CSMD1: variants seen among roughly 807,000 people sequenced by gnomAD.
The protein encoded by CSMD1 is CUB and sushi domain-containing protein 1.
CSMD1 carries 213 observed loss-of-function variants against 417.5 expected under a neutral mutation model. That is an observed-to-expected ratio of 0.51 (90% CI 0.46 to 0.57). CSMD1 has a LOEUF of 0.57. Ranked by LOEUF, CSMD1 falls within the 20% of genes least tolerant of loss-of-function variation. CSMD1 has a pLI of 0.00. For synonymous variants in CSMD1, 2,862 were observed against 1,736.8 expected (o/e 1.65, Z -16.11); for missense variants, 6,923 against 4,529.7 (o/e 1.53, Z -15.17).
At chr8:3,418,797 A>C (rs751382112) in intron 12 of CSMD1, among the ~76,000 whole-genome samples, 11 of 152,206 alleles carry the variant, frequency 7.2e-5, no homozygotes, top group Admixed American at 6.5e-5. Context: ...CCATAGTAGG[A>C]AATGAGAAGG....
intron 41 of CSMD1, among the ~76,000 whole-genome samples, chr8:3,122,528 T>A (rs182893749): frequency 3.4e-4 from 52 of 152,266 alleles, no homozygotes; most frequent in African/African-American, 1.3e-3. Flanking sequence ...CAACTTGAAT[T>A]GTATCTCCCA....
intron 1 of CSMD1, among the ~76,000 whole-genome samples, chr8:4,977,893 C>A (rs1014832695): frequency 3.9e-5 from 6 of 152,222 alleles, no homozygotes; most frequent in South Asian, 2.1e-4. Flanking sequence ...TTAATCAACT[C>A]ATTCATTCAC....
chr8:4,477,422 G>A (rs1800862742), intron 2 of CSMD1, among the ~76,000 whole-genome samples: 1 of 152,196 alleles, frequency 6.6e-6, no homozygotes, highest in African/African-American at 2.4e-5. Context: ...GAGCAAAATT[G>A]GGGGGCTCAG....
At chr8:4,295,954 G>T (rs963013845) in intron 3 of CSMD1, among the ~76,000 whole-genome samples, 21 of 151,178 alleles carry the variant, frequency 1.4e-4, no homozygotes, top group Admixed American at 1.3e-3. Context: ...GACTCACTCT[G>T]TAGAACATTT....
At chr8:4,570,398 G>A (rs1457222434) in intron 2 of CSMD1, among the ~76,000 whole-genome samples, 3 of 152,106 alleles carry the variant, frequency 2.0e-5, no homozygotes, top group South Asian at 2.1e-4. Flanking sequence ...ATAATCATGT[G>A]GCTTTTGTCA....
intron 3 of CSMD1, among the ~76,000 whole-genome samples, chr8:4,085,835 C>A (rs1339490672): frequency 6.6e-6 from 1 of 152,148 alleles, no homozygotes; most frequent in South Asian, 2.1e-4. Flanking sequence ...GATAAAAGTT[C>A]TGTGTCCCCA....
intron 8 of CSMD1, among the ~76,000 whole-genome samples, chr8:3,598,638 G>T (rs141276622): frequency 6.6e-6 from 1 of 152,136 alleles, no homozygotes; most frequent in African/African-American, 2.4e-5. Flanking sequence ...GTTCCTGAGG[G>T]CTTGCTCATT....
At chr8:4,109,662 C>G (rs1200552559) in intron 3 of CSMD1, among the ~76,000 whole-genome samples, 1 of 152,098 alleles carries the variant, frequency 6.6e-6, no homozygotes, top group East Asian at 1.9e-4. Flanking sequence ...AGTTTGTTGT[C>G]CATTATCATT....
At chr8:3,164,524 C>G (rs1050489262) in intron 37 of CSMD1, among the ~76,000 whole-genome samples, 1 of 152,126 alleles carries the variant, frequency 6.6e-6, no homozygotes, top group South Asian at 2.1e-4. Flanking sequence ...ACATAGATTA[C>G]TACATTTAAA....
At chr8:4,044,861 A>G (rs1798069815) in intron 3 of CSMD1, among the ~76,000 whole-genome samples, 1 of 137,442 alleles carries the variant, frequency 7.3e-6, no homozygotes, top group Non-Finnish European at 1.6e-5. Flanking sequence ...TGGGGACTGC[A>G]CCATCCTGAA....
chr8:3,726,074 G>C (rs553030470), intron 6 of CSMD1, among the ~76,000 whole-genome samples: 123 of 152,234 alleles, frequency 8.1e-4, no homozygotes, highest in African/African-American at 2.7e-3. Context: ...GCCATGCCAT[G>C]AGGGTACTCA....
At chr8:3,858,357 G>A (rs938733289) in intron 5 of CSMD1, among the ~76,000 whole-genome samples, 1 of 152,188 alleles carries the variant, frequency 6.6e-6, no homozygotes, top group South Asian at 2.1e-4. Flanking sequence ...AATATTTCAT[G>A]CTTGACCTTG....
intron 2 of CSMD1, among the ~76,000 whole-genome samples, chr8:4,628,307 G>C (rs974457254): frequency 3.3e-5 from 5 of 150,500 alleles, no homozygotes; most frequent in African/African-American, 1.2e-4. Context: ...TTTGCCTTTT[G>C]AGTATTAAGT....
At chr8:4,654,192 G>T (rs1006808762) in intron 1 of CSMD1, among the ~76,000 whole-genome samples, 1 of 151,998 alleles carries the variant, frequency 6.6e-6, no homozygotes, top group African/African-American at 2.4e-5. Flanking sequence ...TACTCTTCTG[G>T]AGTAGTCTGG....
chr8:3,189,828 C>G, intron 34 of CSMD1, 84 bp downstream of exon 34: 1 of 1,285,022 alleles, frequency 7.8e-7, no homozygotes, highest in Non-Finnish European at 1.1e-6. Flanking sequence ...GATGGATTTA[C>G]GTAGCCTGGA....
chr8:4,193,599 C>A (rs561140647), intron 3 of CSMD1, among the ~76,000 whole-genome samples: 1 of 152,016 alleles, frequency 6.6e-6, no homozygotes, highest in Non-Finnish European at 1.5e-5. Context: ...AGGGTCCCAC[C>A]GGGCCCTCTG....
Position 4,994,492 on chromosome 8 carries a change from A to G in CSMD1, c.-76T>C. The G allele has an allele frequency of 2.2e-6, 3 of 1,338,506 alleles. No homozygotes were observed. The highest frequency in any genetic ancestry group is 3.1e-6 in the Non-Finnish European group (3 of 952,788). The allele number at this position is 1,338,506 out of a possible 1,614,324, so 82.9% of individuals were successfully genotyped here. A position where few individuals can be genotyped will look rare whatever the true frequency, so the allele number is the denominator to read the frequency against. ...GCAGGGCTATGAGCGGAGCCAAATA[A>G]TCACCCGAGGGCAAGGCGAGCCGGA... On this transcript the variant is annotated 5_prime_UTR_variant, in exon 1 of 70. Transcript: ENST00000635120.
At chr8:4,060,347 G>C (rs1038237913) in intron 3 of CSMD1, among the ~76,000 whole-genome samples, 1 of 152,126 alleles carries the variant, frequency 6.6e-6, no homozygotes, top group Admixed American at 6.5e-5. Flanking sequence ...ATACTGAATG[G>C]GCCAAAACTG....
chr8:3,512,325 C>T (rs1585281752), intron 10 of CSMD1, among the ~76,000 whole-genome samples: 4 of 152,282 alleles, frequency 2.6e-5, no homozygotes, highest in African/African-American at 9.6e-5. Context: ...TTGTTCTATA[C>T]CCACAGCCTC....
Sources: gnomAD v4.1 joint callset for allele counts (sites outside exome capture counted in the v4.1 genomes callset) on GRCh38, gnomAD v4.1.1 for gene constraint, MANE v1.5 for transcripts, NCBI Gene and HGNC (gene_info 2026-07-23, HGNC 2026-07-21) for gene names.